Variants in FBXW5 observed in about 807,000 individuals in gnomAD.
The protein encoded by FBXW5 is F-box/WD repeat-containing protein 5.
FBXW5 carries 74 observed loss-of-function variants against 50.9 expected under a neutral mutation model. The ratio of observed to expected loss-of-function variants is 1.45; its 90% CI spans 1.20 to 1.76. The LOEUF (loss-of-function observed/expected upper bound fraction) is 1.76, where lower values mean the gene tolerates loss of function less well. FBXW5 is among the 40% of genes most tolerant of loss of function. FBXW5 has a pLI of 0.00. For missense variants in FBXW5, 1,073 were observed against 818.8 expected (o/e 1.31, Z -3.79); for synonymous variants, 523 against 362.2 (o/e 1.44, Z -5.04).
Position 136,944,660 on chromosome 9 carries a change from G to A in FBXW5, c.-90C>T, listed in dbSNP as rs895154574. ...ACCCGGACCCGCTTCCGCTGCCGCA[G>A]CCGCTCGGACCGCCGCCCCCGCCCA... On this transcript the variant is annotated 5_prime_UTR_variant, in exon 1 of 9. Coordinates refer to ENST00000325285, the MANE Select transcript of FBXW5 (RefSeq NM_018998.4). The A allele has an allele frequency of 4.1e-6, 4 of 985,498 alleles. No individual in the cohort carries two copies. Among genetic ancestry groups the A allele is most frequent in the Non-Finnish European group, 4.8e-6 (4 of 829,736 alleles). The allele number at this position is 985,498 out of a possible 1,614,324, so 61.0% of individuals were successfully genotyped here.
Position 136,941,040 on chromosome 9 carries a change from C to T in FBXW5, c.1589G>A (p.Ser530Asn). Reference protein sequence around the residue: ...PQEQELLLTASDDATIKAWRS... With the variant: ...PQEQELLLTANDDATIKAWRS... ...CCAGGCTTTGATGGTGGCGTCGTCG[C>T]TGGCCGTGAGCAGCAGCTCCTGCTC... The change falls in exon 9 of 9, where the codon AGC becomes AAC. Residue 530 changes from serine to asparagine, a missense_variant. Ser to Asn is a conservative substitution (Grantham distance 46). Coordinates refer to ENST00000325285, the MANE Select transcript of FBXW5 (RefSeq NM_018998.4). 2 of 1,554,436 alleles carry T rather than the reference C, an allele frequency of 1.3e-6. No homozygotes were observed. The highest frequency in any genetic ancestry group is 1.2e-5 in the South Asian group (1 of 84,664).
At position 136,940,877 on chromosome 9, in the gene FBXW5, C is replaced by T; in HGVS notation, c.*51G>A. The T allele has an allele frequency of 6.5e-7, 1 of 1,544,112 alleles. No individual in the cohort carries two copies. The highest frequency in any genetic ancestry group is 8.7e-7 in the Non-Finnish European group (1 of 1,146,616). On this transcript the variant is annotated 3_prime_UTR_variant, in exon 9 of 9. Transcript: ENST00000325285. ...TCCCGCTCGGGAAAAAGCCACAGAG[C>T]CTGGCGATGTCCTCAAGGGGTCCCG...
rs1446177485 is a variant in FBXW5, at chr9:136,941,073, C to CT, written c.1555dup (p.Ser519LysfsTer62). On this transcript the variant is annotated frameshift_variant, in exon 9 of 9. Coordinates refer to ENST00000325285, the MANE Select transcript of FBXW5 (RefSeq NM_018998.4). LOFTEE classifies it high-confidence loss of function. Reference sequence around the variant, plus strand: ...GAGCAGCAGCTCCTGCTCCTGGGGACTGAAGACCACTGAGTTGACCACATC... The same window carrying CT: ...GAGCAGCAGCTCCTGCTCCTGGGGACTTGAAGACCACTGAGTTGACCACATC... 10 of 1,562,390 alleles carry CT rather than the reference C, an allele frequency of 6.4e-6. No homozygotes were observed. The highest frequency in any genetic ancestry group is 1.9e-5 in the Admixed American group (1 of 52,010).
In FBXW5 at chr9:136,944,652, C is replaced by A. The variant is rs1232834354; in HGVS notation, c.-82G>T. 3.0e-6 allele frequency: 3 copies of A among 985,318 alleles called. No individual in the cohort carries two copies. Among genetic ancestry groups the A allele is most frequent in the Non-Finnish European group, 3.6e-6 (3 of 829,720 alleles). The allele number at this position is 985,318 out of a possible 1,614,324, so 61.0% of individuals were successfully genotyped here. ...CCTGCGCGACCCGGACCCGCTTCCG[C>A]TGCCGCAGCCGCTCGGACCGCCGCC... On this transcript the variant is annotated 5_prime_UTR_variant, in exon 1 of 9. Transcript: ENST00000325285.
rs1850968826 is a variant in FBXW5, at chr9:136,944,671, C to T, written c.-101G>A. On this transcript the variant is annotated 5_prime_UTR_variant, in exon 1 of 9. Transcript: ENST00000325285. ...CTTCCGCTGCCGCAGCCGCTCGGAC[C>T]GCCGCCCCCGCCCAACGGGGAGCCC... The T allele has an allele frequency of 4.1e-6, 4 of 985,794 alleles. No individual in the cohort carries two copies. Among genetic ancestry groups the T allele is most frequent in the South Asian group, 4.5e-5 (1 of 21,984 alleles). 61.1% of individuals were successfully genotyped at this position (985,794 alleles called of 1,614,324 possible).
At position 136,944,080 on chromosome 9, in the gene FBXW5, C is replaced by T; in HGVS notation, c.4G>A (p.Asp2Asn). The T allele has an allele frequency of 6.3e-7, 1 of 1,592,210 alleles. No homozygotes were observed. The highest frequency in any genetic ancestry group is 1.1e-5 in the South Asian group (1 of 87,850). M[D>N]EGGTPLLPDS... ...GGGAGCAGGGGCGTGCCGCCCTCGT[C>T]CATCGTGACATTCTGCCCAGGCGGC... The change falls in exon 2 of 9, where the codon GAC (aspartate) becomes AAC (asparagine). Residue 2 changes from aspartate (D) to asparagine (N), a missense_variant. Transcript: ENST00000325285.
rs751927133 is a variant in FBXW5 at position 136,944,107 on chromosome 9, C to T, written c.-23-1G>A. ...ATCGTGACATTCTGCCCAGGCGGCCCTGAAACCCACCAACGGCTGCCCTCA... is the reference window on the plus strand; with the variant it reads ...ATCGTGACATTCTGCCCAGGCGGCCTTGAAACCCACCAACGGCTGCCCTCA... On this transcript the variant is annotated splice_acceptor_variant, in intron 1 of 8. Coordinates refer to ENST00000325285, the MANE Select transcript of FBXW5 (RefSeq NM_018998.4). LOFTEE classifies it low-confidence loss of function (5UTR_SPLICE). 4 of 1,561,986 alleles carry T rather than the reference C, an allele frequency of 2.6e-6. No individual in the cohort carries two copies. In the South Asian group the frequency reaches 4.7e-5, roughly 18 times the overall value.
Position 136,943,100 on chromosome 9 carries a change from T to A in FBXW5, c.352-157A>T, listed in dbSNP as rs898298887. Reference sequence around the variant, plus strand: ...CCACTGTCATCCACTCGGGGGGCATTGGTATAGAGCGGAGGAGCCTGCCCC... The same window carrying A: ...CCACTGTCATCCACTCGGGGGGCATAGGTATAGAGCGGAGGAGCCTGCCCC... On this transcript the variant is annotated intron_variant, in intron 3 of 8. Transcript: ENST00000325285. 8 of 1,249,718 alleles carry A rather than the reference T, an allele frequency of 6.4e-6. No homozygotes were observed. The African/African-American group carries it at 1.2e-4, about 18-fold the overall frequency. 77.4% of individuals were successfully genotyped at this position (1,249,718 alleles called of 1,614,324 possible). A position where few individuals can be genotyped will look rare whatever the true frequency, so the allele number is the denominator to read the frequency against.
In FBXW5 at chr9:136,940,677, CCCAGTAT is replaced by C; in HGVS notation, c.*244_*250del. On this transcript the variant is annotated 3_prime_UTR_variant, in exon 9 of 9. Coordinates refer to ENST00000325285, the MANE Select transcript of FBXW5 (RefSeq NM_018998.4). ...CTGGGGTTGAGTGAGGAGCGGCACCCCCAGTATCCTGTGTACCCCAAGTTGCCCAGGA... is the reference window on the plus strand; with the variant it reads ...CTGGGGTTGAGTGAGGAGCGGCACCCCCTGTGTACCCCAAGTTGCCCAGGA... 1 of 564,090 alleles carries C rather than the reference CCCAGTAT, an allele frequency of 1.8e-6. No homozygotes were observed. The highest frequency in any genetic ancestry group is 2.1e-5 in the South Asian group (1 of 48,576). The allele number at this position is 564,090 out of a possible 1,614,324, so 34.9% of individuals were successfully genotyped here.
In FBXW5 at chr9:136,942,155, C is replaced by T; in HGVS notation, c.987G>A (p.Glu329=). ...SERMLETKVA[E]LLAQGHTKPP... The stretch of plus-strand genomic sequence containing the variant: ...GCTTGGTGTGGCCCTGGGCCAGCAG[C>T]TCGGCCACCTTGGTCTCTAGCATGC... Residue 329 remains glutamate, a synonymous_variant, in exon 6 of 9, where the codon GAG becomes GAA. Coordinates refer to ENST00000325285, the MANE Select transcript of FBXW5 (RefSeq NM_018998.4). 1 of 1,606,110 alleles carries T rather than the reference C, an allele frequency of 6.2e-7. No homozygotes were observed. The highest frequency in any genetic ancestry group is 8.5e-7 in the Non-Finnish European group (1 of 1,176,852).
chr9:136,943,342 TC>T lies in FBXW5; in HGVS notation c.351+6del. 1 of 1,583,270 alleles carries T rather than the reference TC, an allele frequency of 6.3e-7. No individual in the cohort carries two copies. Among genetic ancestry groups the T allele is most frequent in the Non-Finnish European group, 8.6e-7 (1 of 1,162,282 alleles). ...GTGGGGTGTGCAGGACACCTGGCCG[TC>T]CTCACCTTCACAGTGCAGTCCTTGG... On this transcript the variant is annotated splice_donor_region_variant and intron_variant, in intron 3 of 8. Coordinates refer to ENST00000325285, the MANE Select transcript of FBXW5 (RefSeq NM_018998.4).
At position 136,943,859 on chromosome 9, in the gene FBXW5, G is replaced by A. The variant is rs920939862; in HGVS notation, c.193+32C>T. 4.5e-6 allele frequency: 7 copies of A among 1,546,498 alleles called. No individual in the cohort carries two copies. In the East Asian group the frequency reaches 1.7e-4, roughly 38 times the overall value. On this transcript the variant is annotated intron_variant, in intron 2 of 8. Transcript: ENST00000325285. ...GCAGGGGCCCGGGGCCCTGGCTGCA[G>A]AACGTGGGTAGGGGCCCCACACGCC...
At chr9:136,941,498 C>T in intron 7 of FBXW5, 35 bp from the exon 8 acceptor site, 2 of 1,606,056 alleles carry the variant, frequency 1.2e-6, no homozygotes, top group Non-Finnish European at 8.5e-7. Flanking sequence ...TGTGGGCCGC[C>T]TGCGGGCACC....
At position 136,942,913 on chromosome 9, in the gene FBXW5, G is replaced by A. The variant is rs752976346; in HGVS notation, c.382C>T (p.Leu128=). ...TAGGGCCGCATGTCCGCGCTGTGCA[G>A]CAGCGAGATGGTCAGGTCGTTGCTC... The part of the protein sequence containing the change: ...IWSNDLTISL[L]HSADMRPYNW... Residue 128 remains leucine, a synonymous_variant, in exon 4 of 9, where the codon CTG becomes TTG. Transcript: ENST00000325285. 3.7e-6 allele frequency: 6 copies of A among 1,613,508 alleles called. No individual in the cohort carries two copies. The highest frequency in any genetic ancestry group is 1.1e-5 in the South Asian group (1 of 91,090).
rs1405539270 is a variant in FBXW5 at position 136,942,151 on chromosome 9, G to C, written c.991C>G (p.Leu331Val). ...RMLETKVAELLAQGHTKPPER... is the reference protein window; with the variant it reads ...RMLETKVAELVAQGHTKPPER... ...GGTGGCTTGGTGTGGCCCTGGGCCA[G>C]CAGCTCGGCCACCTTGGTCTCTAGC... is the stretch of plus-strand genomic sequence containing the variant. The change falls in exon 6 of 9, where the codon CTG becomes GTG. Residue 331 changes from leucine to valine, a missense_variant. By Grantham distance (32) the Leu-to-Val change is conservative. Transcript: ENST00000325285. The C allele has an allele frequency of 1.2e-6, 2 of 1,607,422 alleles. No homozygotes were observed. Among genetic ancestry groups the C allele is most frequent in the Non-Finnish European group, 1.7e-6 (2 of 1,177,396 alleles).
intron 3 of FBXW5, 41 bp downstream of exon 3, chr9:136,943,308 C>G (rs1394698199): frequency 8.5e-6 from 13 of 1,530,110 alleles, no homozygotes; most frequent in Non-Finnish European, 1.2e-5. Context: ...CGTGCTGCGG[C>G]AGAGCTGGGT....
chr9:136,940,602 A>C lies in FBXW5; in HGVS notation c.*326T>G. On this transcript the variant is annotated 3_prime_UTR_variant, in exon 9 of 9. Transcript: ENST00000325285. ...CCACCGTCCAGGGCCCCACAGGACC[A>C]GCCGAAGGTGCCCCGGGCCGAGGCC... is the stretch of plus-strand genomic sequence containing the variant. The C allele has an allele frequency of 2.7e-6, 1 of 366,554 alleles. No individual in the cohort carries two copies. The allele number at this position is 366,554 out of a possible 1,614,324, so 22.7% of individuals were successfully genotyped here.
At chr9:136,941,193 A>AGCCG (rs748748915) in intron 8 of FBXW5, 22 bp from the exon 9 acceptor site, 27 of 1,598,066 alleles carry the variant, frequency 1.7e-5, no homozygotes, top group Non-Finnish European at 2.2e-5. Flanking sequence ...CGCCTGGGTG[A>AGCCG]GCCGGCCGCC....
At chr9:136,941,951 C>G in intron 6 of FBXW5, 95 bp downstream of exon 6, 1 of 1,463,864 alleles carries the variant, frequency 6.8e-7, no homozygotes, top group Non-Finnish European at 9.0e-7. Context: ...CCAGCTTTGC[C>G]TGTGGACTTG....
Sources: allele counts gnomAD v4.1 joint callset, GRCh38; gene constraint gnomAD v4.1.1; transcripts MANE v1.5; gene names NCBI Gene and HGNC (gene_info 2026-07-23, HGNC 2026-07-21).